Variants in GRIA1 observed in about 807,000 individuals in gnomAD.
The protein encoded by GRIA1 is glutamate receptor 1.
Under a neutral mutation model 99.2 loss-of-function variants are expected in GRIA1, and 31 were observed. The ratio of observed to expected loss-of-function variants is 0.31; its 90% confidence interval spans 0.23 to 0.42. The LOEUF is 0.42. Ranked by LOEUF, GRIA1 falls within the 10% of genes least tolerant of loss-of-function variation. The pLI is 1.00. For synonymous variants in GRIA1, 438 were observed against 432.4 expected, an observed-to-expected ratio of 1.01 and a Z score of -0.16; for missense variants, 782 against 1,157.5, an observed-to-expected ratio of 0.68 and a Z score of 4.71.
intron 13 of GRIA1, among the ~76,000 whole-genome samples, chr5:153,778,669 A>G (rs1288994406): frequency 2.0e-5 from 3 of 151,766 alleles, no homozygotes; most frequent in Admixed American, 6.6e-5. Context: ...ACACACACAC[A>G]CACACACACA....
intron 8 of GRIA1, among the ~76,000 whole-genome samples, chr5:153,692,636 A>G (rs957805245): frequency 2.0e-5 from 3 of 152,174 alleles, no homozygotes; most frequent in African/African-American, 7.2e-5. Context: ...CTTTAGGATA[A>G]AGCTTGTCAA....
intron 5 of GRIA1, among the ~76,000 whole-genome samples, chr5:153,669,637 A>G (rs34390714): frequency 0.062 from 9,509 of 152,320 alleles, 311 homozygotes; most frequent in Middle Eastern, 0.13. Flanking sequence ...CAATATATTC[A>G]CATGATAAAA....
chr5:153,571,428 C>T (rs1762108061), intron 2 of GRIA1, among the ~76,000 whole-genome samples: 1 of 152,128 alleles, frequency 6.6e-6, no homozygotes, highest in African/African-American at 2.4e-5. Context: ...TGAAAGCAGC[C>T]AAAGACAACA....
At position 153,577,555 on chromosome 5, in the gene GRIA1, T is replaced by C. The variant is rs374220708; in HGVS notation, c.221-69373T>C. The stretch of plus-strand genomic sequence containing the variant: ...AAAATAGAATCCTTGCTCACTTCCA[T>C]CCCAAAGTCTGGATTTGAGAGGGAT... On this transcript the variant is annotated intron_variant, in intron 2 of 15. Transcript: ENST00000285900. 9.2e-5 allele frequency among the ~76,000 whole-genome samples: 14 copies of C among 152,250 alleles called. No individual in the cohort carries two copies. The East Asian group carries it at 2.7e-3, about 29-fold the overall frequency.
chr5:153,541,949 A>AAAC, intron 2 of GRIA1, among the ~76,000 whole-genome samples: 1 of 147,612 alleles, frequency 6.8e-6, no homozygotes, highest in South Asian at 2.1e-4. Flanking sequence ...AAAAAAAAAA[A>AAAC]AAACAAGAAA....
At chr5:153,734,937 C>T (rs1761280699) in intron 11 of GRIA1, among the ~76,000 whole-genome samples, 1 of 152,138 alleles carries the variant, frequency 6.6e-6, no homozygotes, top group South Asian at 2.1e-4. Context: ...TAAAGGATCT[C>T]TCTCTAACTT....
chr5:153,762,512 G>A (rs1033199280), intron 11 of GRIA1, among the ~76,000 whole-genome samples: 11 of 152,180 alleles, frequency 7.2e-5, no homozygotes, highest in African/African-American at 2.7e-4. Context: ...GGCACTGGGG[G>A]AGTGATTTTG....
chr5:153,646,604 A>C (rs1456485256), intron 2 of GRIA1, among the ~76,000 whole-genome samples: 1 of 152,206 alleles, frequency 6.6e-6, no homozygotes, highest in African/African-American at 2.4e-5. Flanking sequence ...TCTTATATAC[A>C]TGGCTACTGT....
At chr5:153,681,571 G>A (rs1756971191) in intron 7 of GRIA1, among the ~76,000 whole-genome samples, 1 of 152,164 alleles carries the variant, frequency 6.6e-6, no homozygotes, top group African/African-American at 2.4e-5. Context: ...AGGAATTAGG[G>A]ATAGAAGAGC....
At chr5:153,546,741 A>C (rs1221461909) in intron 2 of GRIA1, among the ~76,000 whole-genome samples, 1 of 152,180 alleles carries the variant, frequency 6.6e-6, no homozygotes, top group Non-Finnish European at 1.5e-5. Context: ...ACATTGTCCT[A>C]TTGCACAACT....
At chr5:153,547,715 A>T (rs1759732988) in intron 2 of GRIA1, among the ~76,000 whole-genome samples, 1 of 152,222 alleles carries the variant, frequency 6.6e-6, no homozygotes, top group Non-Finnish European at 1.5e-5. Context: ...TTAATAAAAT[A>T]CCTCGTGGAA....
intron 2 of GRIA1, among the ~76,000 whole-genome samples, chr5:153,638,046 C>T (rs1017213118): frequency 3.3e-5 from 5 of 152,258 alleles, no homozygotes; most frequent in Admixed American, 6.5e-5. Flanking sequence ...CAGTGCAAGA[C>T]ATGTCATGAA....
chr5:153,604,450 AC>A (rs890396913), intron 2 of GRIA1, among the ~76,000 whole-genome samples: 1 of 152,206 alleles, frequency 6.6e-6, no homozygotes, highest in Non-Finnish European at 1.5e-5. Context: ...CTTCTCACTT[AC>A]TTTTAACTTT....
At chr5:153,685,347 C>A (rs1042978781) in intron 7 of GRIA1, among the ~76,000 whole-genome samples, 1 of 152,206 alleles carries the variant, frequency 6.6e-6, no homozygotes, top group Non-Finnish European at 1.5e-5. Context: ...TATCTTGGAT[C>A]TCCATGGTCA....
intron 4 of GRIA1, among the ~76,000 whole-genome samples, chr5:153,652,794 A>G (rs1754670286): frequency 6.6e-6 from 1 of 152,330 alleles, no homozygotes; most frequent in Middle Eastern, 3.4e-3. Flanking sequence ...ACTGACGGTC[A>G]AATTGATTAA....
intron 14 of GRIA1, chr5:153,795,494 G>C (rs764448080): frequency 6.2e-7 from 1 of 1,608,354 alleles, no homozygotes; most frequent in Non-Finnish European, 8.5e-7. Flanking sequence ...TAAACCTAGC[G>C]GTTTTGAAAC....
intron 11 of GRIA1, among the ~76,000 whole-genome samples, chr5:153,707,058 G>A (rs908972575): frequency 6.6e-6 from 1 of 152,154 alleles, no homozygotes; most frequent in African/African-American, 2.4e-5. Flanking sequence ...GGCAGAGGTT[G>A]CAGTGAGGCA....
chr5:153,505,457 A>G (rs1370825921), intron 2 of GRIA1, among the ~76,000 whole-genome samples: 1 of 152,232 alleles, frequency 6.6e-6, no homozygotes, highest in African/African-American at 2.4e-5. Flanking sequence ...GATTATGAGA[A>G]GAACATGCCC....
chr5:153,606,774 T>A (rs1159471337), intron 2 of GRIA1, among the ~76,000 whole-genome samples: 1 of 151,844 alleles, frequency 6.6e-6, no homozygotes, highest in Non-Finnish European at 1.5e-5. Flanking sequence ...CTACAGTTTT[T>A]CTTTCTGTGA....
Sources: gnomAD v4.1 joint callset for allele counts (sites outside exome capture counted in the v4.1 genomes callset) on GRCh38, gnomAD v4.1.1 for gene constraint, MANE v1.5 for transcripts, NCBI Gene and HGNC (gene_info 2026-07-23, HGNC 2026-07-21) for gene names.